The following GRM7 variants were observed in gnomAD, a reference collection of about 807,000 sequenced individuals.
The protein encoded by GRM7 is metabotropic glutamate receptor 7.
In GRM7, 35 loss-of-function variants were observed where a neutral mutation model predicts 84.5. The observed-to-expected ratio is 0.41, with a 90% confidence interval of 0.32 to 0.55. The LOEUF (loss-of-function observed/expected upper bound fraction) is 0.55. GRM7 is among the 20% of genes least tolerant of loss of function. The probability of loss-of-function intolerance (pLI) is 0.19; values close to 1 mark genes in which losing one functional copy is unlikely to be tolerated. For missense variants in GRM7, 1,003 were observed against 1,194.6 expected (o/e 0.84, Z 2.36); for synonymous variants, 487 against 455.1 (o/e 1.07, Z -0.89).
chr3:7,376,214 T>C (rs931168680), intron 4 of GRM7, among the ~76,000 whole-genome samples: 1 of 152,186 alleles, frequency 6.6e-6, no homozygotes, highest in Non-Finnish European at 1.5e-5. Context: ...TGACTGCATG[T>C]TTCTCACCAT....
intron 1 of GRM7, among the ~76,000 whole-genome samples, chr3:7,051,937 T>A (rs1697016275): frequency 6.6e-6 from 1 of 151,784 alleles, no homozygotes; most frequent in African/African-American, 2.4e-5. Context: ...TTCTTTTAGC[T>A]GTAAAATATA....
intron 4 of GRM7, among the ~76,000 whole-genome samples, chr3:7,321,400 A>G (rs1396677857): frequency 1.3e-5 from 2 of 152,082 alleles, no homozygotes; most frequent in African/African-American, 4.8e-5. Context: ...CAATGAATAT[A>G]GAAACTAACC....
intron 8 of GRM7, among the ~76,000 whole-genome samples, chr3:7,600,781 T>C (rs1182837525): frequency 1.3e-5 from 2 of 152,224 alleles, no homozygotes; most frequent in African/African-American, 4.8e-5. Flanking sequence ...ACTGAATTGA[T>C]GGATAGGCAC....
chr3:7,393,493 G>T (rs943364420), intron 4 of GRM7, among the ~76,000 whole-genome samples: 4 of 152,140 alleles, frequency 2.6e-5, no homozygotes, highest in African/African-American at 9.7e-5. Flanking sequence ...TCGGTTTCTG[G>T]CTGGACAAGC....
At chr3:7,593,398 G>C (rs943882838) in intron 8 of GRM7, among the ~76,000 whole-genome samples, 1 of 152,124 alleles carries the variant, frequency 6.6e-6, no homozygotes, top group African/African-American at 2.4e-5. Flanking sequence ...GATGGAAAGG[G>C]GAACAAGACA....
At chr3:7,374,908 T>C (rs1694284254) in intron 4 of GRM7, among the ~76,000 whole-genome samples, 1 of 152,154 alleles carries the variant, frequency 6.6e-6, no homozygotes, top group Admixed American at 6.5e-5. Context: ...ATTTGTAAAA[T>C]GGAGATTATA....
At chr3:7,526,431 C>T (rs1000917197) in intron 7 of GRM7, among the ~76,000 whole-genome samples, 11 of 151,884 alleles carry the variant, frequency 7.2e-5, no homozygotes, top group African/African-American at 1.7e-4. Flanking sequence ...GGATATTAGT[C>T]CATTGTTGAA....
chr3:6,890,791 A>G (rs989003634), intron 1 of GRM7, among the ~76,000 whole-genome samples: 2 of 151,956 alleles, frequency 1.3e-5, no homozygotes, highest in African/African-American at 4.8e-5. Flanking sequence ...TATCCTTGTT[A>G]AATTTCTGTC....
chr3:7,067,780 GC>G, intron 1 of GRM7, among the ~76,000 whole-genome samples: 1 of 152,012 alleles, frequency 6.6e-6, no homozygotes, highest in Non-Finnish European at 1.5e-5. Context: ...CTAGCTATGT[GC>G]CCATGAGGAA....
intron 6 of GRM7, among the ~76,000 whole-genome samples, chr3:7,456,800 C>T (rs1042815519): frequency 2.0e-5 from 3 of 151,966 alleles, no homozygotes; most frequent in Non-Finnish European, 4.4e-5. Context: ...CTTCTGGCTC[C>T]CAAGACACTG....
intron 1 of GRM7, among the ~76,000 whole-genome samples, 184 bp from the exon 2 acceptor site, chr3:7,146,268 C>G (rs1694107354): frequency 1.3e-5 from 2 of 152,202 alleles, no homozygotes; most frequent in African/African-American, 4.8e-5. Flanking sequence ...GAAGTCAATA[C>G]TTTTGTGCTG....
intron 4 of GRM7, among the ~76,000 whole-genome samples, chr3:7,403,831 GGATAGATAGATA>G (rs537042589): frequency 8.0e-5 from 12 of 150,790 alleles, no homozygotes; most frequent in Middle Eastern, 3.2e-3. Context: ...GTGGATGGAT[GGATAGATAGATA>G]GATAGATAGA....
intron 2 of GRM7, among the ~76,000 whole-genome samples, chr3:7,230,344 A>G (rs565734883): frequency 6.6e-6 from 1 of 152,282 alleles, no homozygotes; most frequent in South Asian, 2.1e-4. Context: ...GAATGTGAAT[A>G]TCAAGAGCAA....
intron 1 of GRM7, among the ~76,000 whole-genome samples, chr3:6,979,671 G>A (rs1694124079): frequency 6.6e-6 from 1 of 152,156 alleles, no homozygotes; most frequent in African/African-American, 2.4e-5. Flanking sequence ...CCAAATGACA[G>A]ATTACAAATC....
At chr3:7,008,167 G>T (rs962421642) in intron 1 of GRM7, among the ~76,000 whole-genome samples, 9 of 151,966 alleles carry the variant, frequency 5.9e-5, no homozygotes, top group African/African-American at 2.2e-4. Flanking sequence ...TTTTAACAGG[G>T]TCACCTAAAA....
At chr3:7,548,079 C>G (rs952571358) in intron 7 of GRM7, among the ~76,000 whole-genome samples, 1 of 152,214 alleles carries the variant, frequency 6.6e-6, no homozygotes, top group Non-Finnish European at 1.5e-5. Flanking sequence ...AGTATAACTG[C>G]TGTAGTTTGG....
At chr3:7,532,875 TA>T (rs200116512) in intron 7 of GRM7, among the ~76,000 whole-genome samples, 15,782 of 86,372 alleles carry the variant, frequency 0.18, 1,009 homozygotes, top group Middle Eastern at 0.22. Context: ...CCAACAAAGA[TA>T]AAAAAAAAAA....
intron 9 of GRM7, among the ~76,000 whole-genome samples, chr3:7,726,920 C>T (rs1702152335): frequency 6.7e-6 from 1 of 150,344 alleles, no homozygotes; most frequent in Non-Finnish European, 1.5e-5. Flanking sequence ...CTTTTTGTTT[C>T]TTCAGTCTCC....
chr3:7,731,046 T>G (rs559128363), intron 9 of GRM7, among the ~76,000 whole-genome samples: 123 of 152,058 alleles, frequency 8.1e-4, no homozygotes, highest in African/African-American at 2.8e-3. Context: ...CTCTGTTTGA[T>G]GCTTTACATC....
Sources: gnomAD v4.1 joint callset for allele counts (sites outside exome capture counted in the v4.1 genomes callset) on GRCh38, gnomAD v4.1.1 for gene constraint, MANE v1.5 for transcripts, NCBI Gene and HGNC (gene_info 2026-07-23, HGNC 2026-07-21) for gene names.